The following HERC6 variants were observed in gnomAD, a reference collection of about 807,000 sequenced individuals.
The protein encoded by HERC6 is HECT and RLD domain containing E3 ubiquitin protein ligase family member 6, also known as probable E3 ubiquitin-protein ligase HERC6.
In HERC6, 101 loss-of-function variants were observed where a neutral mutation model predicts 114.5. The observed-to-expected ratio is 0.88, with a 90% CI of 0.75 to 1.04. The LOEUF (loss-of-function observed/expected upper bound fraction) is 1.04. Among genes scored for constraint, HERC6 ranks in the 50% least tolerant of loss-of-function variants. The pLI, the probability that HERC6 is intolerant of heterozygous loss-of-function variation, is 0.00. For synonymous variants in HERC6, 408 were observed against 436.2 expected, an observed-to-expected ratio of 0.94 and a Z score of 0.81; for missense variants, 1,133 against 1,230.9, an observed-to-expected ratio of 0.92 and a Z score of 1.19.
intron 6 of HERC6, 55 bp from the exon 7 acceptor site, chr4:88,396,796 T>C: frequency 7.0e-7 from 1 of 1,421,476 alleles, no homozygotes; most frequent in Non-Finnish European, 9.3e-7. Context: ...ACATCATCTT[T>C]CTCAAAAGCC....
chr4:88,423,013 T>C (rs562379216), intron 13 of HERC6, among the ~76,000 whole-genome samples: 1 of 152,100 alleles, frequency 6.6e-6, no homozygotes, highest in South Asian at 2.1e-4. Context: ...CTTTTTAATC[T>C]CATCACAATC....
chr4:88,391,996 T>G (rs903382333), intron 4 of HERC6, among the ~76,000 whole-genome samples: 1 of 37,526 alleles, frequency 2.7e-5, no homozygotes, highest in South Asian at 1.8e-3. Context: ...TCCCCTCCCC[T>G]TCTCCCTCCC....
chr4:88,437,488 CAACT>C (rs1738881046), intron 19 of HERC6, among the ~76,000 whole-genome samples: 1 of 152,132 alleles, frequency 6.6e-6, no homozygotes, highest in Admixed American at 6.5e-5. Flanking sequence ...AATAATTTAA[CAACT>C]AAACGATAAT....
chr4:88,396,359 A>C (rs552690882), intron 6 of HERC6, among the ~76,000 whole-genome samples: 2 of 152,312 alleles, frequency 1.3e-5, no homozygotes, highest in African/African-American at 4.8e-5. Flanking sequence ...TGTATAGAAC[A>C]CTGTACCAGG....
Position 88,442,310 on chromosome 4 carries a change from T to C in HERC6, c.2919T>C (p.Thr973=). 2.5e-6 allele frequency: 4 copies of C among 1,613,840 alleles called. No homozygotes were observed. Among genetic ancestry groups the C allele is most frequent in the Non-Finnish European group, 3.4e-6 (4 of 1,179,832 alleles). The change falls in exon 23 of 23, where the codon ACT becomes ACC. Residue 973 remains threonine (T), a synonymous_variant. Coordinates refer to ENST00000264346, the MANE Select transcript of HERC6 (RefSeq NM_017912.4). ...KMEIVFRCPE[T]FSERDHPTSI... is the part of the protein sequence containing the mutation. The stretch of plus-strand genomic sequence containing the variant: ...AAATAGTATTTCGCTGTCCTGAAAC[T>C]TTCAGTGAAAGAGATCACCCAACAT...
rs911830070 is a variant in HERC6, at chr4:88,442,477, C to G, written c.*17C>G. The G allele has an allele frequency of 7.6e-6, 12 of 1,572,738 alleles. No homozygotes were observed. The highest frequency in any genetic ancestry group is 1.8e-4 in the Middle Eastern group (1 of 5,428). On this transcript the variant is annotated 3_prime_UTR_variant, in exon 23 of 23. Transcript: ENST00000264346. ...CAGTCATAATCACCTCTGAGAGACT[C>G]AGGGTGGGCTTTCTCACACTTGGAT...
At chr4:88,379,819 ATAAC>A (rs1237021610) in intron 1 of HERC6, among the ~76,000 whole-genome samples, 7 of 81,764 alleles carry the variant, frequency 8.6e-5, no homozygotes, top group East Asian at 6.9e-4. Context: ...AAATATATAT[ATAAC>A]ATATAAATAT....
intron 5 of HERC6, among the ~76,000 whole-genome samples, chr4:88,395,462 C>A (rs1431315547): frequency 6.6e-6 from 1 of 152,082 alleles, no homozygotes. Flanking sequence ...TATGTTTATG[C>A]TATACAATAT....
At chr4:88,386,626 A>T (rs1345540615) in intron 3 of HERC6, among the ~76,000 whole-genome samples, 1 of 152,228 alleles carries the variant, frequency 6.6e-6, no homozygotes, top group Non-Finnish European at 1.5e-5. Context: ...TTGGGCTTCA[A>T]GGGATAATAA....
intron 3 of HERC6, 136 bp from the exon 4 acceptor site, chr4:88,390,516 C>T (rs1333813160): frequency 2.6e-6 from 2 of 770,620 alleles, no homozygotes; most frequent in Non-Finnish European, 4.1e-6. Flanking sequence ...ATATTGTATA[C>T]CTTAAATAGA....
chr4:88,413,094 G>A lies in HERC6; in HGVS notation c.1386G>A (p.Glu462=). 1 of 1,608,944 alleles carries A rather than the reference G, an allele frequency of 6.2e-7. No homozygotes were observed. The highest frequency in any genetic ancestry group is 2.2e-5 in the East Asian group (1 of 44,792). ...WISSMITTCL[E]DDLLRALPCH... ...TACCACAGATAACTACGTGTCTCGAGGATGATCTGCTCAGAGCTCTTCCAT... is the reference window on the plus strand; with the variant it reads ...TACCACAGATAACTACGTGTCTCGAAGATGATCTGCTCAGAGCTCTTCCAT... Residue 462 remains glutamate, a synonymous_variant, in exon 12 of 23, where the codon GAG becomes GAA. Transcript: ENST00000264346.
chr4:88,441,048 CTTTTT>C (rs963081473), intron 22 of HERC6, among the ~76,000 whole-genome samples: 1 of 146,328 alleles, frequency 6.8e-6, no homozygotes, highest in African/African-American at 2.5e-5. Flanking sequence ...AAGCCTGTTT[CTTTTT>C]TTTTTTAAGT....
chr4:88,396,142 G>A lies in HERC6; in HGVS notation c.887G>A (p.Ser296Asn), dbSNP rs1188534248. The change falls in exon 6 of 23, where the codon AGT becomes AAT. Residue 296 changes from serine to asparagine, a missense_variant and splice_region_variant. Transcript: ENST00000264346. Reference protein sequence around the residue: ...DGLVSQIDCGSYHTLAYVHTT... With the variant: ...DGLVSQIDCGNYHTLAYVHTT... ...CTAGTTTCGCAGATAGATTGTGGAA[G>A]GTAATAGGCTTCTTCTTCTTCTTTT... 5 of 1,572,924 alleles carry A rather than the reference G, an allele frequency of 3.2e-6. No individual in the cohort carries two copies. The highest frequency in any genetic ancestry group is 1.7e-4 in the Middle Eastern group (1 of 5,922).
chr4:88,406,019 A>C (rs994932964), intron 10 of HERC6, among the ~76,000 whole-genome samples: 1 of 152,266 alleles, frequency 6.6e-6, no homozygotes, highest in Non-Finnish European at 1.5e-5. Flanking sequence ...TCACTGCTAC[A>C]GAAGAAAATC....
chr4:88,414,350 C>T (rs966431104), intron 12 of HERC6, among the ~76,000 whole-genome samples: 2 of 151,954 alleles, frequency 1.3e-5, no homozygotes, highest in Non-Finnish European at 2.9e-5. Context: ...GTGGCACACA[C>T]CTGTGGTCCC....
intron 13 of HERC6, among the ~76,000 whole-genome samples, chr4:88,422,207 G>A (rs746451474): frequency 1.3e-5 from 2 of 152,038 alleles, no homozygotes; most frequent in Non-Finnish European, 2.9e-5. Context: ...TAACAATCTT[G>A]TTAAATTTAC....
intron 4 of HERC6, 117 bp downstream of exon 4, chr4:88,390,996 C>T (rs145199109): frequency 1.2e-4 from 92 of 776,296 alleles, no homozygotes; most frequent in African/African-American, 1.0e-3. Context: ...GTGACACATT[C>T]GAATAGCCTA....
At chr4:88,385,664 C>T in intron 3 of HERC6, 89 bp downstream of exon 3, 1 of 645,510 alleles carries the variant, frequency 1.5e-6, no homozygotes. Context: ...CACTGGGGTT[C>T]ATTTAGAAGT....
chr4:88,395,109 T>G (rs1235520338), intron 5 of HERC6, among the ~76,000 whole-genome samples: 1 of 152,260 alleles, frequency 6.6e-6, no homozygotes, highest in Admixed American at 6.5e-5. Flanking sequence ...GTTGAAATGT[T>G]TGTTTAAAAA....
Sources: allele counts gnomAD v4.1 joint callset (sites outside exome capture counted in the v4.1 genomes callset), GRCh38; gene constraint gnomAD v4.1.1; transcripts MANE v1.5; gene names NCBI Gene and HGNC (gene_info 2026-07-23, HGNC 2026-07-21).